SGMS1: variants seen among roughly 807,000 people sequenced by gnomAD.
The protein encoded by SGMS1 is sphingomyelin synthase 1, also known as phosphatidylcholine:ceramide cholinephosphotransferase 1.
SGMS1 carries 13 observed loss-of-function variants against 46.2 expected under a neutral mutation model. The ratio of observed to expected loss-of-function variants is 0.28; its 90% confidence interval spans 0.18 to 0.45. SGMS1 has a LOEUF of 0.45. SGMS1 is among the 20% of genes least tolerant of loss of function. The probability of loss-of-function intolerance (pLI) is 1.00; values close to 1 mark genes in which losing one functional copy is unlikely to be tolerated. For missense variants in SGMS1, 324 were observed against 519.9 expected, an observed-to-expected ratio of 0.62 and a Z score of 3.66; for synonymous variants, 203 against 187.8, an observed-to-expected ratio of 1.08 and a Z score of -0.66.
chr10:50,526,935 T>C (rs1333724853), intron 2 of SGMS1, among the ~76,000 whole-genome samples: 4 of 151,638 alleles, frequency 2.6e-5, no homozygotes, highest in African/African-American at 4.8e-5. Flanking sequence ...CATGGTGGCA[T>C]GTGCCTGTAG....
At chr10:50,537,390 C>T (rs772448268) in intron 2 of SGMS1, among the ~76,000 whole-genome samples, 61 of 141,312 alleles carry the variant, frequency 4.3e-4, no homozygotes, top group Non-Finnish European at 8.5e-4. Context: ...TTTCATGATG[C>T]TAACACTTAA....
chr10:50,332,682 G>A (rs906760300), intron 7 of SGMS1, among the ~76,000 whole-genome samples: 26 of 128,880 alleles, frequency 2.0e-4, no homozygotes, highest in African/African-American at 7.3e-4. Context: ...GAGTGCAGTC[G>A]CATGATCATG....
chr10:50,531,356 G>A (rs1837951527), intron 2 of SGMS1, among the ~76,000 whole-genome samples: 1 of 151,656 alleles, frequency 6.6e-6, no homozygotes, highest in Non-Finnish European at 1.5e-5. Context: ...GTTCGAGGAA[G>A]TGCCATACAT....
chr10:50,404,313 T>C (rs911151050), intron 6 of SGMS1, among the ~76,000 whole-genome samples: 1 of 140,100 alleles, frequency 7.1e-6, no homozygotes, highest in African/African-American at 2.9e-5. Context: ...TTGTTTTGAT[T>C]TTTTTTTTTT....
chr10:50,337,847 A>G (rs1266963360), intron 7 of SGMS1, among the ~76,000 whole-genome samples: 1 of 150,948 alleles, frequency 6.6e-6, no homozygotes, highest in Non-Finnish European at 1.5e-5. Context: ...TAAGGCCCCC[A>G]AAAGGCTTAT....
intron 2 of SGMS1, among the ~76,000 whole-genome samples, chr10:50,553,461 TAAAAG>T (rs1407417758): frequency 1.3e-5 from 2 of 151,702 alleles, no homozygotes; most frequent in Non-Finnish European, 1.5e-5. Context: ...GAAAACTCAA[TAAAAG>T]AAAACTATTA....
At chr10:50,542,088 A>C (rs1455352734) in intron 2 of SGMS1, among the ~76,000 whole-genome samples, 3 of 152,190 alleles carry the variant, frequency 2.0e-5, no homozygotes, top group Admixed American at 6.5e-5. Context: ...CACTAGCATC[A>C]GATTCTCATG....
At chr10:50,468,466 C>T (rs947779692) in intron 3 of SGMS1, among the ~76,000 whole-genome samples, 21 of 152,190 alleles carry the variant, frequency 1.4e-4, no homozygotes, top group Admixed American at 1.0e-3. Flanking sequence ...AGTAAGCCCA[C>T]GTTATCTTTT....
chr10:50,338,525 T>C (rs532350544), intron 7 of SGMS1, among the ~76,000 whole-genome samples: 18 of 149,194 alleles, frequency 1.2e-4, no homozygotes, highest in African/African-American at 4.4e-4. Context: ...AAATTCCATA[T>C]ACAAATCAAG....
intron 1 of SGMS1, among the ~76,000 whole-genome samples, chr10:50,593,404 G>C (rs939696213): frequency 6.6e-6 from 1 of 152,228 alleles, no homozygotes; most frequent in South Asian, 2.1e-4. Flanking sequence ...GCTAAGTCTT[G>C]AGGTTTGTTA....
At chr10:50,353,790 C>A (rs1848073343) in intron 6 of SGMS1, among the ~76,000 whole-genome samples, 1 of 152,096 alleles carries the variant, frequency 6.6e-6, no homozygotes, top group South Asian at 2.1e-4. Flanking sequence ...TCTTATACAC[C>A]AATAACAGAC....
chr10:50,487,127 G>C (rs554092741), intron 3 of SGMS1, among the ~76,000 whole-genome samples: 19 of 152,300 alleles, frequency 1.2e-4, no homozygotes, highest in African/African-American at 4.6e-4. Flanking sequence ...TGGATGCATA[G>C]TGGGGAACAA....
At chr10:50,538,115 G>A (rs1838019760) in intron 2 of SGMS1, among the ~76,000 whole-genome samples, 1 of 136,076 alleles carries the variant, frequency 7.3e-6, no homozygotes. Flanking sequence ...GAAATACAGA[G>A]ATTAAACAAA....
chr10:50,443,779 A>G (rs1267929713), intron 5 of SGMS1, among the ~76,000 whole-genome samples: 3 of 152,102 alleles, frequency 2.0e-5, no homozygotes, highest in African/African-American at 7.2e-5. Flanking sequence ...TATATGACTA[A>G]TACATACTAT....
intron 6 of SGMS1, among the ~76,000 whole-genome samples, chr10:50,351,101 C>T (rs1258244170): frequency 6.6e-6 from 1 of 152,190 alleles, no homozygotes; most frequent in African/African-American, 2.4e-5. Context: ...CCTTTTGCAT[C>T]AGTGTGACCA....
At chr10:50,344,587 C>T (rs1331525685) in intron 6 of SGMS1, among the ~76,000 whole-genome samples, 1 of 152,154 alleles carries the variant, frequency 6.6e-6, no homozygotes, top group African/African-American at 2.4e-5. Context: ...TTCCAACGGT[C>T]AGCCGGGCGT....
intron 6 of SGMS1, among the ~76,000 whole-genome samples, chr10:50,422,688 C>T (rs979710297): frequency 2.6e-5 from 4 of 152,180 alleles, no homozygotes; most frequent in African/African-American, 9.7e-5. Context: ...ATCTATTTAC[C>T]AACAGGTGCT....
intron 2 of SGMS1, among the ~76,000 whole-genome samples, chr10:50,538,345 C>T (rs1838022180): frequency 6.6e-6 from 1 of 151,362 alleles, no homozygotes; most frequent in African/African-American, 2.4e-5. Context: ...GTAGTCCCAG[C>T]TACTCAGGAG....
chr10:50,572,858 C>T (rs1315751886), intron 2 of SGMS1, among the ~76,000 whole-genome samples: 1 of 152,144 alleles, frequency 6.6e-6, no homozygotes, highest in African/African-American at 2.4e-5. Flanking sequence ...GCGTTTTCAA[C>T]ACCAAGAGAG....
Sources: allele counts gnomAD v4.1 joint callset (sites outside exome capture counted in the v4.1 genomes callset), GRCh38; gene constraint gnomAD v4.1.1; transcripts MANE v1.5; gene names NCBI Gene and HGNC (gene_info 2026-07-23, HGNC 2026-07-21).